The following DCT variants were observed in gnomAD, a reference collection of about 807,000 sequenced individuals.
The protein encoded by DCT is dopachrome tautomerase, also known as L-dopachrome tautomerase.
Under a neutral mutation model 53.0 loss-of-function variants are expected in DCT, and 47 were observed. The observed-to-expected ratio is 0.89, with a 90% CI of 0.70 to 1.13. The LOEUF (loss-of-function observed/expected upper bound fraction) is 1.13. DCT is among the 50% of genes most tolerant of loss of function. The pLI, the probability that DCT is intolerant of heterozygous loss-of-function variation, is 0.00. For synonymous variants in DCT, 244 were observed against 237.0 expected, an observed-to-expected ratio of 1.03 and a Z score of -0.27; for missense variants, 669 against 637.4, an observed-to-expected ratio of 1.05 and a Z score of -0.53.
At chr13:94,472,895 T>G (rs1239813939) in intron 1 of DCT, among the ~76,000 whole-genome samples, 1 of 152,082 alleles carries the variant, frequency 6.6e-6, no homozygotes, top group Non-Finnish European at 1.5e-5. Flanking sequence ...AGTTCTATAT[T>G]GTGTTATTAT....
the DCT span, among the ~76,000 whole-genome samples, chr13:94,509,846 T>C: frequency 6.6e-6 from 1 of 152,194 alleles, no homozygotes; most frequent in Non-Finnish European, 1.5e-5. Flanking sequence ...ATGATCACTA[T>C]ACCATAAGCT....
chr13:94,448,051 C>T (rs948976424), intron 6 of DCT, among the ~76,000 whole-genome samples: 7 of 152,052 alleles, frequency 4.6e-5, no homozygotes, highest in Admixed American at 3.3e-4. Context: ...AGTTCGAGAC[C>T]AGCCCCAGCA....
At chr13:94,505,082 C>T in the DCT span, among the ~76,000 whole-genome samples, 1 of 151,668 alleles carries the variant, frequency 6.6e-6, no homozygotes, top group African/African-American at 2.4e-5. Flanking sequence ...CCTGGTACAC[C>T]AAAAAAGTTT....
At chr13:94,466,679 A>G (rs1218370558) in intron 2 of DCT, 21 bp from the exon 3 acceptor site, 2 of 1,494,582 alleles carry the variant, frequency 1.3e-6, no homozygotes, top group Non-Finnish European at 1.8e-6. Flanking sequence ...TGGGAAACAT[A>G]TTAGAGATGA....
chr13:94,518,818 A>G, the DCT span, among the ~76,000 whole-genome samples: 1 of 152,190 alleles, frequency 6.6e-6, no homozygotes, highest in Admixed American at 6.5e-5. Flanking sequence ...AATGTCCCAA[A>G]TCCTTAGCAT....
intron 6 of DCT, among the ~76,000 whole-genome samples, chr13:94,448,153 G>A (rs1035198779): frequency 5.3e-5 from 8 of 152,084 alleles, no homozygotes; most frequent in African/African-American, 1.4e-4. Context: ...GCTGAGATGC[G>A]AGGATCATTT....
the DCT span, among the ~76,000 whole-genome samples, chr13:94,517,439 T>C: frequency 6.6e-6 from 1 of 152,174 alleles, no homozygotes; most frequent in Non-Finnish European, 1.5e-5. Flanking sequence ...TGTGTCATTT[T>C]CAAAAATGAG....
intron 5 of DCT, 41 bp downstream of exon 5, chr13:94,461,969 T>C: frequency 1.3e-6 from 2 of 1,564,934 alleles, no homozygotes; most frequent in South Asian, 1.1e-5. Context: ...CATGAAAACC[T>C]GTACTGTACA....
the DCT span, among the ~76,000 whole-genome samples, chr13:94,499,372 A>G: frequency 6.6e-6 from 1 of 152,178 alleles, no homozygotes; most frequent in African/African-American, 2.4e-5. Context: ...AAAACTTGGC[A>G]TAAATATTTA....
chr13:94,522,687 T>C, the DCT span, among the ~76,000 whole-genome samples: 3 of 152,236 alleles, frequency 2.0e-5, no homozygotes, highest in African/African-American at 7.2e-5. Context: ...ACAGGGTATG[T>C]TGACACACAT....
the DCT span, among the ~76,000 whole-genome samples, chr13:94,485,400 C>T: frequency 3.9e-5 from 6 of 152,090 alleles, no homozygotes; most frequent in African/African-American, 7.2e-5. Context: ...ACAATGGAGG[C>T]ACCTGTATAG....
At chr13:94,520,464 C>G in the DCT span, among the ~76,000 whole-genome samples, 2 of 152,200 alleles carry the variant, frequency 1.3e-5, no homozygotes, top group Non-Finnish European at 2.9e-5. Flanking sequence ...GGCTGGAAGA[C>G]AGCATCCGAC....
the DCT span, among the ~76,000 whole-genome samples, chr13:94,525,532 T>A: frequency 6.6e-6 from 1 of 152,216 alleles, no homozygotes; most frequent in Admixed American, 6.5e-5. Flanking sequence ...CTTTCCCTCA[T>A]GTCACAGAGA....
intron 7 of DCT, among the ~76,000 whole-genome samples, chr13:94,441,416 C>A (rs1183128903): frequency 6.6e-6 from 1 of 152,156 alleles, no homozygotes; most frequent in Admixed American, 6.5e-5. Context: ...AGTGCAGTGG[C>A]ATTAAGTACA....
chr13:94,490,298 A>C, the DCT span, among the ~76,000 whole-genome samples: 4 of 152,012 alleles, frequency 2.6e-5, no homozygotes, highest in African/African-American at 9.7e-5. Flanking sequence ...TGAGGTCAGG[A>C]GTTCTAGACC....
intron 6 of DCT, among the ~76,000 whole-genome samples, chr13:94,451,192 CCTG>C (rs1373226012): frequency 6.6e-6 from 1 of 152,108 alleles, no homozygotes; most frequent in Non-Finnish European, 1.5e-5. Flanking sequence ...TAACTGTGTA[CCTG>C]CTATTTAAAA....
the DCT span, among the ~76,000 whole-genome samples, chr13:94,525,834 C>A: frequency 0.4 from 61,338 of 151,934 alleles, 13,120 homozygotes; most frequent in East Asian, 0.62. Flanking sequence ...CTCTACAAAA[C>A]ATAAAAAATT....
chr13:94,464,514 C>T (rs774825992), intron 4 of DCT, among the ~76,000 whole-genome samples: 3 of 152,040 alleles, frequency 2.0e-5, no homozygotes, highest in Non-Finnish European at 2.9e-5. Flanking sequence ...GTTGCGCATG[C>T]CTGTAATCCC....
At position 94,478,974 on chromosome 13, in the gene DCT, G is replaced by T; in HGVS notation, c.282C>A (p.Thr94=). 1 of 1,610,490 alleles carries T rather than the reference G, an allele frequency of 6.2e-7. No homozygotes were observed. Among genetic ancestry groups the T allele is most frequent in the Non-Finnish European group, 8.5e-7 (1 of 1,177,430 alleles). ...CATGGGCCTCACCTGTGCACTTGCA[G>T]GTCCGGTGGAAGAATTTTCTTGGCC... is the stretch of plus-strand genomic sequence containing the variant. ...ELWPRKFFHR[T]CKCTGNFAGY... Residue 94 remains threonine, a synonymous_variant, in exon 1 of 8, where the codon ACC becomes ACA. Transcript: ENST00000377028.
Sources: allele counts gnomAD v4.1 joint callset (sites outside exome capture counted in the v4.1 genomes callset), GRCh38; gene constraint gnomAD v4.1.1; transcripts MANE v1.5; gene names NCBI Gene and HGNC (gene_info 2026-07-23, HGNC 2026-07-21).